The following MARCHF1 variants were observed in gnomAD, a reference collection of about 807,000 sequenced individuals.
The protein encoded by MARCHF1 is membrane associated ring-CH-type finger 1.
MARCHF1 carries 40 observed loss-of-function variants against 54.2 expected under a neutral mutation model. The ratio of observed to expected loss-of-function variants is 0.74; its 90% CI spans 0.57 to 0.96. MARCHF1 has a LOEUF of 0.96. Ranked by LOEUF, MARCHF1 falls within the 40% of genes least tolerant of loss-of-function variation. The pLI is 0.00. For synonymous variants in MARCHF1, 236 were observed against 236.3 expected, an observed-to-expected ratio of 1.00 and a Z score of 0.01; for missense variants, 586 against 656.5, an observed-to-expected ratio of 0.89 and a Z score of 1.17.
chr4:163,818,100 T>C (rs1748593024), intron 4 of MARCHF1, among the ~76,000 whole-genome samples: 1 of 151,828 alleles, frequency 6.6e-6, no homozygotes, highest in Non-Finnish European at 1.5e-5. Flanking sequence ...ACCCTAAAAC[T>C]TAAAGTATAA....
intron 2 of MARCHF1, among the ~76,000 whole-genome samples, chr4:164,052,546 T>C (rs932900057): frequency 1.3e-5 from 2 of 151,874 alleles, no homozygotes; most frequent in African/African-American, 4.8e-5. Context: ...AAAAGAGCCT[T>C]CCTCCTGGGT....
intron 3 of MARCHF1, among the ~76,000 whole-genome samples, chr4:163,882,673 T>A (rs1040875033): frequency 1.3e-5 from 2 of 152,280 alleles, no homozygotes; most frequent in Non-Finnish European, 2.9e-5. Context: ...ACATTAAAAT[T>A]TTAACAAATT....
At chr4:163,771,362 G>A (rs1747156042) in intron 4 of MARCHF1, among the ~76,000 whole-genome samples, 1 of 152,164 alleles carries the variant, frequency 6.6e-6, no homozygotes, top group Admixed American at 6.5e-5. Context: ...CTGGGGAGCT[G>A]TTTTAGTCCA....
At chr4:164,125,693 C>G (rs947548014) in intron 1 of MARCHF1, among the ~76,000 whole-genome samples, 1 of 152,204 alleles carries the variant, frequency 6.6e-6, no homozygotes, top group African/African-American at 2.4e-5. Flanking sequence ...CCAGTACCAG[C>G]CTGTGGCCTT....
intron 5 of MARCHF1, among the ~76,000 whole-genome samples, chr4:163,619,578 T>A (rs1182729386): frequency 6.6e-6 from 1 of 152,100 alleles, no homozygotes; most frequent in East Asian, 1.9e-4. Context: ...ATCATTAGAA[T>A]AGAACTGAGA....
chr4:163,924,016 A>AT (rs1579395663), intron 3 of MARCHF1, among the ~76,000 whole-genome samples: 1 of 152,026 alleles, frequency 6.6e-6, no homozygotes, highest in East Asian at 1.9e-4. Flanking sequence ...AGAATATCTG[A>AT]TTTTAAGATC....
At chr4:164,006,335 C>A (rs1753287465) in intron 2 of MARCHF1, among the ~76,000 whole-genome samples, 1 of 151,914 alleles carries the variant, frequency 6.6e-6, no homozygotes, top group South Asian at 2.1e-4. Context: ...CTGAAGAACT[C>A]ATTAGAGGCT....
At chr4:164,055,505 C>G (rs1754470947) in intron 2 of MARCHF1, among the ~76,000 whole-genome samples, 1 of 151,542 alleles carries the variant, frequency 6.6e-6, no homozygotes, top group African/African-American at 2.4e-5. Flanking sequence ...TCAAGGATGT[C>G]CTGACTGAGC....
intron 4 of MARCHF1, among the ~76,000 whole-genome samples, chr4:163,767,346 T>C (rs1294974870): frequency 6.6e-6 from 1 of 151,954 alleles, no homozygotes; most frequent in Non-Finnish European, 1.5e-5. Flanking sequence ...GCCTTTTTTT[T>C]TTTTTTGAGA....
At chr4:163,757,122 C>T (rs1746700431) in intron 4 of MARCHF1, among the ~76,000 whole-genome samples, 2 of 152,256 alleles carry the variant, frequency 1.3e-5, no homozygotes, top group South Asian at 2.1e-4. Flanking sequence ...AAATCAGTAA[C>T]GTTTGCAAAG....
rs138585538 is a variant in MARCHF1, at chr4:164,092,791, G to T, written c.-248+18797C>A. Among the ~76,000 whole-genome samples the T allele has an allele frequency of 9.2e-5, 14 of 152,200 alleles. No individual in the cohort carries two copies. In the East Asian group the frequency reaches 2.7e-3, roughly 29 times the overall value. The stretch of plus-strand genomic sequence containing the variant: ...ACCAATTGATAAAGAAGAAAGTTAC[G>T]TTGACTGATCTCAATTATCAGAAGG... On this transcript the variant is annotated intron_variant, in intron 2 of 9. Coordinates refer to ENST00000514618, the MANE Select transcript of MARCHF1 (RefSeq NM_001394959.1).
intron 2 of MARCHF1, among the ~76,000 whole-genome samples, chr4:164,038,942 AAAAT>A (rs1754068739): frequency 6.6e-6 from 1 of 152,210 alleles, no homozygotes; most frequent in Non-Finnish European, 1.5e-5. Flanking sequence ...AATCAAATAT[AAAAT>A]AAAAGGAAAA....
intron 1 of MARCHF1, among the ~76,000 whole-genome samples, chr4:164,356,838 C>T (rs1277180911): frequency 6.9e-6 from 1 of 145,032 alleles, no homozygotes; most frequent in African/African-American, 2.5e-5. Flanking sequence ...TTCTCTATTA[C>T]TGCACAAATC....
intron 4 of MARCHF1, among the ~76,000 whole-genome samples, chr4:163,825,685 T>C (rs1380071776): frequency 6.6e-6 from 1 of 152,046 alleles, no homozygotes; most frequent in Non-Finnish European, 1.5e-5. Flanking sequence ...TGTATTTTTC[T>C]AATGATTAGT....
chr4:163,973,093 C>A (rs13104926), intron 3 of MARCHF1, among the ~76,000 whole-genome samples: 79,687 of 152,052 alleles, frequency 0.52, 22,384 homozygotes, highest in Middle Eastern at 0.68. Flanking sequence ...AATTTAACTT[C>A]TTCAAAGACT....
At chr4:164,185,807 CACAAAAA>C (rs1458282561) in intron 1 of MARCHF1, among the ~76,000 whole-genome samples, 1 of 43,216 alleles carries the variant, frequency 2.3e-5, no homozygotes, top group Non-Finnish European at 7.3e-5. Context: ...CACACACACA[CACAAAAA>C]AAAAAACATT....
intron 1 of MARCHF1, among the ~76,000 whole-genome samples, chr4:164,269,689 T>C (rs1306919785): frequency 2.6e-5 from 4 of 152,050 alleles, no homozygotes; most frequent in African/African-American, 9.7e-5. Context: ...CAATTAAACG[T>C]TCTTTGCATG....
At chr4:164,024,372 C>A (rs942298670) in intron 2 of MARCHF1, among the ~76,000 whole-genome samples, 3 of 152,154 alleles carry the variant, frequency 2.0e-5, no homozygotes, top group African/African-American at 4.8e-5. Context: ...GAACCCCCAT[C>A]AGGCTAACAG....
chr4:163,728,198 C>A (rs1414153817), intron 4 of MARCHF1, among the ~76,000 whole-genome samples: 4 of 152,098 alleles, frequency 2.6e-5, no homozygotes, highest in Non-Finnish European at 5.9e-5. Context: ...ACAGGTTGTG[C>A]CACAATTTTT....
Sources: allele counts gnomAD v4.1 joint callset (sites outside exome capture counted in the v4.1 genomes callset), GRCh38; gene constraint gnomAD v4.1.1; transcripts MANE v1.5; gene names NCBI Gene and HGNC (gene_info 2026-07-23, HGNC 2026-07-21).